Variants in ARHGAP15 observed in about 807,000 individuals in gnomAD.
The protein encoded by ARHGAP15 is Rho GTPase activating protein 15.
A neutral mutation model predicts 63.7 loss-of-function variants in ARHGAP15; 51 were observed. The observed-to-expected ratio is 0.80, with a 90% confidence interval of 0.64 to 1.01. ARHGAP15 has a LOEUF of 1.01. ARHGAP15 is among the 50% of genes least tolerant of loss of function. The pLI is 0.00. For missense variants in ARHGAP15, 560 were observed against 564.6 expected, an observed-to-expected ratio of 0.99 and a Z score of 0.08; for synonymous variants, 191 against 193.8, an observed-to-expected ratio of 0.99 and a Z score of 0.12.
chr2:143,480,164 A>G (rs892040238), intron 8 of ARHGAP15, among the ~76,000 whole-genome samples: 9 of 152,216 alleles, frequency 5.9e-5, no homozygotes, highest in African/African-American at 2.2e-4. Flanking sequence ...AAGTCTATAC[A>G]TGAAAAGACA....
chr2:143,666,322 G>C (rs1470295702), intron 12 of ARHGAP15, among the ~76,000 whole-genome samples: 1 of 151,708 alleles, frequency 6.6e-6, no homozygotes. Flanking sequence ...ATGGGGAAAG[G>C]ATTCCCTATT....
At chr2:143,461,074 C>T (rs1690908982) in intron 8 of ARHGAP15, among the ~76,000 whole-genome samples, 1 of 151,810 alleles carries the variant, frequency 6.6e-6, no homozygotes, top group African/African-American at 2.4e-5. Flanking sequence ...TGGATCGCCT[C>T]GGGTCAGGAG....
intron 6 of ARHGAP15, among the ~76,000 whole-genome samples, chr2:143,358,962 A>G (rs916609134): frequency 2.6e-5 from 4 of 152,014 alleles, no homozygotes; most frequent in Non-Finnish European, 5.9e-5. Flanking sequence ...ATACATATCT[A>G]GTAAATTAAA....
At chr2:143,264,605 G>A (rs770965425) in intron 6 of ARHGAP15, among the ~76,000 whole-genome samples, 29 of 151,906 alleles carry the variant, frequency 1.9e-4, no homozygotes, top group South Asian at 1.0e-3. Flanking sequence ...TGACAGTCCC[G>A]GGCTTGTGGT....
intron 5 of ARHGAP15, among the ~76,000 whole-genome samples, chr2:143,245,203 G>C (rs1316782148): frequency 2.0e-5 from 3 of 152,292 alleles, no homozygotes; most frequent in South Asian, 4.2e-4. Flanking sequence ...GAGGAGAAAT[G>C]ATGAGGGCCT....
intron 9 of ARHGAP15, among the ~76,000 whole-genome samples, chr2:143,512,743 G>T (rs1224543343): frequency 6.6e-6 from 1 of 152,248 alleles, no homozygotes; most frequent in East Asian, 1.9e-4. Flanking sequence ...GGTATGGCAA[G>T]TGCCATGGCA....
chr2:143,268,077 C>G lies in ARHGAP15; in HGVS notation c.474+17477C>G, dbSNP rs75017169. ...TTTGTTACAACAAGTAAAAACTACT[C>G]TAATTTTAGCAAAAGTACCAACTAG... On this transcript the variant is annotated intron_variant, in intron 6 of 13. Coordinates refer to ENST00000295095, the MANE Select transcript of ARHGAP15 (RefSeq NM_018460.4). 4.9e-3 allele frequency among the ~76,000 whole-genome samples: 739 copies of G among 151,994 alleles called. 3 individuals carry two copies. Among genetic ancestry groups the G allele is most frequent in the African/African-American group, 0.016 (684 of 41,482 alleles).
intron 8 of ARHGAP15, among the ~76,000 whole-genome samples, chr2:143,477,542 C>A (rs1186210322): frequency 1.3e-5 from 2 of 151,912 alleles, no homozygotes; most frequent in African/African-American, 2.4e-5. Context: ...ACACAAAAAT[C>A]CTTGGCATGG....
intron 11 of ARHGAP15, among the ~76,000 whole-genome samples, chr2:143,620,516 A>C (rs948999818): frequency 6.6e-6 from 1 of 152,252 alleles, no homozygotes; most frequent in Non-Finnish European, 1.5e-5. Flanking sequence ...CAATCTTGAC[A>C]TAATAGTCAA....
At chr2:143,313,524 T>G (rs1001626148) in intron 6 of ARHGAP15, among the ~76,000 whole-genome samples, 13 of 152,114 alleles carry the variant, frequency 8.5e-5, no homozygotes, top group Non-Finnish European at 1.6e-4. Context: ...CTGCCTCCAA[T>G]TTCCCCCATA....
Position 143,556,180 on chromosome 2 carries a change from C to T in ARHGAP15, c.926-228C>T, listed in dbSNP as rs565373096. The stretch of plus-strand genomic sequence containing the variant: ...TGATGTAATCCTATTCTACCCACTG[C>T]TCTTTTTGCCTCAATTAGACCCAAA... On this transcript the variant is annotated intron_variant, in intron 10 of 13. Coordinates refer to ENST00000295095, the MANE Select transcript of ARHGAP15 (RefSeq NM_018460.4). 6.2e-4 allele frequency among the ~76,000 whole-genome samples: 95 copies of T among 152,170 alleles called. 1 individual carries two copies. In the South Asian group the frequency reaches 0.013, roughly 21 times the overall value.
At chr2:143,691,934 AT>A (rs763171049) in intron 12 of ARHGAP15, among the ~76,000 whole-genome samples, 1 of 152,204 alleles carries the variant, frequency 6.6e-6, no homozygotes, top group Non-Finnish European at 1.5e-5. Context: ...ATTTTAAGCT[AT>A]TATTGCCAAT....
chr2:143,391,965 A>G (rs748164957), intron 6 of ARHGAP15, among the ~76,000 whole-genome samples: 9 of 152,196 alleles, frequency 5.9e-5, no homozygotes, highest in Admixed American at 1.3e-4. Context: ...TATTATTAGA[A>G]ACTAACACAT....
chr2:143,362,255 C>T (rs1235884001), intron 6 of ARHGAP15, among the ~76,000 whole-genome samples: 1 of 152,162 alleles, frequency 6.6e-6, no homozygotes, highest in Non-Finnish European at 1.5e-5. Context: ...CATTAGAATA[C>T]GAACTTCAGG....
At chr2:143,584,056 C>T (rs77011356) in intron 11 of ARHGAP15, among the ~76,000 whole-genome samples, 1,832 of 152,264 alleles carry the variant, frequency 0.012, 36 homozygotes, top group African/African-American at 0.043. Flanking sequence ...AAATGCCACC[C>T]AAGAGTAACC....
intron 6 of ARHGAP15, among the ~76,000 whole-genome samples, chr2:143,425,750 T>C (rs1689114395): frequency 3.5e-5 from 1 of 28,814 alleles, no homozygotes; most frequent in Non-Finnish European, 1.1e-4. Context: ...CTTAATTACA[T>C]AGATAGTTAG....
intron 5 of ARHGAP15, among the ~76,000 whole-genome samples, chr2:143,230,028 G>T (rs1266520713): frequency 2.0e-5 from 3 of 152,126 alleles, no homozygotes; most frequent in Admixed American, 6.5e-5. Context: ...ATACAGTAAG[G>T]TTGAGATAAT....
At chr2:143,329,090 G>A (rs1013867935) in intron 6 of ARHGAP15, among the ~76,000 whole-genome samples, 1 of 152,196 alleles carries the variant, frequency 6.6e-6, no homozygotes, top group Non-Finnish European at 1.5e-5. Context: ...AAGTGTTAAA[G>A]CAGTAACTTT....
At chr2:143,468,442 C>G (rs2105178574) in intron 8 of ARHGAP15, among the ~76,000 whole-genome samples, 1 of 152,154 alleles carries the variant, frequency 6.6e-6, no homozygotes, top group East Asian at 1.9e-4. Context: ...GTTTTCAGAA[C>G]TGGTTCCAGG....
Sources: gnomAD v4.1 joint callset for allele counts (sites outside exome capture counted in the v4.1 genomes callset) on GRCh38, gnomAD v4.1.1 for gene constraint, MANE v1.5 for transcripts, NCBI Gene and HGNC (gene_info 2026-07-23, HGNC 2026-07-21) for gene names.